IL1RAPL1: variants seen among roughly 807,000 people sequenced by gnomAD.
IL1RAPL1 encodes the protein interleukin 1 receptor accessory protein like 1.
In IL1RAPL1, 3 loss-of-function variants were observed where a neutral mutation model predicts 48.4. The ratio of observed to expected loss-of-function variants is 0.06; its 90% CI spans 0.03 to 0.16. IL1RAPL1 has a LOEUF of 0.16. Among genes scored for constraint, IL1RAPL1 ranks in the 10% least tolerant of loss-of-function variants. IL1RAPL1 has a pLI of 1.00. For missense variants in IL1RAPL1, 349 were observed against 530.6 expected (o/e 0.66, Z 3.36); for synonymous variants, 185 against 187.7 (o/e 0.99, Z 0.12).
At chrX:29,890,367 T>C (rs1238185543) in intron 6 of IL1RAPL1, among the ~76,000 whole-genome samples, 1 of 111,967 alleles carries the variant, frequency 8.9e-6, no homozygotes, top group Non-Finnish European at 1.9e-5. Context: ...ATCCCTCTCC[T>C]TTCTAATTAC....
chrX:29,366,769 A>T (rs777181768), intron 3 of IL1RAPL1, among the ~76,000 whole-genome samples: 92 of 107,913 alleles, frequency 8.5e-4, no homozygotes, highest in Non-Finnish European at 1.2e-3. Flanking sequence ...GGGTTTCACC[A>T]TGTTAGTCAG....
intron 6 of IL1RAPL1, among the ~76,000 whole-genome samples, chrX:29,897,383 G>T (rs1236388707): frequency 8.9e-6 from 1 of 111,786 alleles, no homozygotes; most frequent in Admixed American, 9.5e-5. Flanking sequence ...TGATCTCTCA[G>T]AATGTTCTGA....
intron 5 of IL1RAPL1, among the ~76,000 whole-genome samples, chrX:29,567,035 G>C (rs1922430844): frequency 9.0e-6 from 1 of 110,799 alleles, no homozygotes; most frequent in Non-Finnish European, 1.9e-5. Flanking sequence ...AGAATAAAAA[G>C]AAGGAATATT....
intron 1 of IL1RAPL1, among the ~76,000 whole-genome samples, chrX:28,715,072 A>G (rs1305257565): frequency 2.7e-5 from 3 of 112,271 alleles, no homozygotes; most frequent in African/African-American, 9.7e-5. Flanking sequence ...AGAACTCTCC[A>G]CCCAAAAACA....
intron 6 of IL1RAPL1, among the ~76,000 whole-genome samples, chrX:29,700,652 G>A (rs1927026955): frequency 1.8e-5 from 2 of 111,512 alleles, no homozygotes; most frequent in South Asian, 7.4e-4. Flanking sequence ...TCTGCCGGAA[G>A]CTTATATTGA....
intron 3 of IL1RAPL1, among the ~76,000 whole-genome samples, chrX:29,299,068 AAAC>A (rs760025597): frequency 9.6e-4 from 105 of 109,457 alleles, no homozygotes; most frequent in African/African-American, 3.2e-3. Context: ...AGAAAAAAAA[AAAC>A]ACGTGAAAGG....
At position 28,799,117 on chromosome X, in the gene IL1RAPL1, T is replaced by C. The variant is rs1168009100; in HGVS notation, c.82+9692T>C. 2.7e-5 allele frequency among the ~76,000 whole-genome samples: 3 copies of C among 111,419 alleles called. No individual in the cohort carries two copies. In the Admixed American group the frequency reaches 2.9e-4, roughly 11 times the overall value. On this transcript the variant is annotated intron_variant, in intron 2 of 10. Coordinates refer to ENST00000378993, the MANE Select transcript of IL1RAPL1 (RefSeq NM_014271.4). ...TAAAGTTAGACTCAATTGAAATAGA[T>C]GATCAATTAGATGTGAGAGGTTATA... is the stretch of plus-strand genomic sequence containing the variant.
rs181977242 is a variant in IL1RAPL1, at chrX:29,117,328, A to G, written c.83-165610A>G. On this transcript the variant is annotated intron_variant, in intron 2 of 10. Transcript: ENST00000378993. ...TCTATACATAATAGACACTAAATTT[A>G]TTTGTTGAATGAAAAGCTAAGTGTT... Among the ~76,000 whole-genome samples the G allele has an allele frequency of 6.6e-3, 737 of 112,110 alleles. 7 individuals carry two copies. The highest frequency in any genetic ancestry group is 0.022 in the African/African-American group (691 of 30,965).
At chrX:29,518,973 T>C (rs1337948076) in intron 5 of IL1RAPL1, among the ~76,000 whole-genome samples, 1 of 111,753 alleles carries the variant, frequency 8.9e-6, no homozygotes, top group Non-Finnish European at 1.9e-5. Context: ...AGAACACATT[T>C]TGAAGGTAGA....
At chrX:29,366,146 T>C (rs1009024999) in intron 3 of IL1RAPL1, among the ~76,000 whole-genome samples, 1 of 111,002 alleles carries the variant, frequency 9.0e-6, no homozygotes, top group Admixed American at 9.7e-5. Flanking sequence ...TTATCATAAA[T>C]CCCTTTGCTA....
chrX:28,699,560 C>T (rs1002866838), intron 1 of IL1RAPL1, among the ~76,000 whole-genome samples: 35 of 112,354 alleles, frequency 3.1e-4, no homozygotes, highest in African/African-American at 1.1e-3. Flanking sequence ...TTTCTTTGAA[C>T]TGGATCGTCT....
intron 5 of IL1RAPL1, among the ~76,000 whole-genome samples, chrX:29,452,728 A>C (rs1429184314): frequency 9.0e-6 from 1 of 110,708 alleles, no homozygotes; most frequent in African/African-American, 3.3e-5. Flanking sequence ...GAATCACAGG[A>C]TTAACCTTTA....
intron 1 of IL1RAPL1, among the ~76,000 whole-genome samples, chrX:28,637,791 A>G (rs1934483344): frequency 8.9e-6 from 1 of 112,348 alleles, no homozygotes; most frequent in Non-Finnish European, 1.9e-5. Context: ...TGTGAATATC[A>G]AATGAGGAAC....
chrX:28,655,432 T>A (rs1934739357), intron 1 of IL1RAPL1, among the ~76,000 whole-genome samples: 1 of 111,576 alleles, frequency 9.0e-6, no homozygotes, highest in African/African-American at 3.3e-5. Flanking sequence ...AAATTGCATG[T>A]TCCAGGGGTT....
intron 9 of IL1RAPL1, among the ~76,000 whole-genome samples, chrX:29,947,013 T>C (rs1192210174): frequency 8.9e-6 from 1 of 112,208 alleles, no homozygotes; most frequent in Non-Finnish European, 1.9e-5. Flanking sequence ...ATTGTGTTAA[T>C]TGATGAAGCA....
intron 2 of IL1RAPL1, among the ~76,000 whole-genome samples, chrX:28,887,790 A>G (rs1369183958): frequency 9.0e-6 from 1 of 111,062 alleles, no homozygotes; most frequent in Non-Finnish European, 1.9e-5. Context: ...GTGACATAAT[A>G]TTTCACTGTT....
chrX:29,388,106 C>CAAAAAAAAAAAAA (rs71862742), intron 3 of IL1RAPL1, among the ~76,000 whole-genome samples: 1 of 51,716 alleles, frequency 1.9e-5, no homozygotes, highest in Non-Finnish European at 3.4e-5. Context: ...AAGGTTAAGC[C>CAAAAAAAAAAAAA]AAAAAAAAAA....
At chrX:29,938,111 T>C (rs969104028) in intron 8 of IL1RAPL1, among the ~76,000 whole-genome samples, 7 of 111,695 alleles carry the variant, frequency 6.3e-5, no homozygotes, top group African/African-American at 2.3e-4. Context: ...AAGTAATGTA[T>C]ATCATTTCTT....
chrX:29,020,184 C>T lies in IL1RAPL1; in HGVS notation c.82+230759C>T, dbSNP rs149372805. The stretch of plus-strand genomic sequence containing the variant: ...GTGAATGAGTGTGTTTTCCAGAAAC[C>T]GAAGAATTTCAAGAATAATAAACTA... On this transcript the variant is annotated intron_variant, in intron 2 of 10. Coordinates refer to ENST00000378993, the MANE Select transcript of IL1RAPL1 (RefSeq NM_014271.4). Among the ~76,000 whole-genome samples the T allele has an allele frequency of 2.6e-3, 287 of 111,713 alleles. 1 individual carries two copies. Among genetic ancestry groups the T allele is most frequent in the Non-Finnish European group, 3.8e-3 (199 of 53,028 alleles).
Sources: gnomAD v4.1 joint callset for allele counts (sites outside exome capture counted in the v4.1 genomes callset) on GRCh38, gnomAD v4.1.1 for gene constraint, MANE v1.5 for transcripts, NCBI Gene and HGNC (gene_info 2026-07-23, HGNC 2026-07-21) for gene names.